The following PRKAR1B variants were observed in gnomAD, a reference collection of about 807,000 sequenced individuals.
The protein encoded by PRKAR1B is cAMP-dependent protein kinase type I-beta regulatory subunit.
In PRKAR1B, 22 loss-of-function variants were observed where a neutral mutation model predicts 46.5. The ratio of observed to expected loss-of-function variants is 0.47; its 90% CI spans 0.34 to 0.68. The LOEUF (loss-of-function observed/expected upper bound fraction) is 0.68, where lower values mean the gene tolerates loss of function less well. PRKAR1B is among the 30% of genes least tolerant of loss of function. PRKAR1B has a pLI of 0.01. For synonymous variants in PRKAR1B, 259 were observed against 217.7 expected (o/e 1.19, Z -1.67); for missense variants, 445 against 535.6 (o/e 0.83, Z 1.67).
intron 4 of PRKAR1B, among the ~76,000 whole-genome samples, chr7:636,872 TCAA>T (rs1175855462): frequency 2.0e-5 from 3 of 151,938 alleles, no homozygotes; most frequent in Non-Finnish European, 2.9e-5. Flanking sequence ...TGCAACTTCC[TCAA>T]CAACTGTGAC....
intron 6 of PRKAR1B, among the ~76,000 whole-genome samples, chr7:600,522 C>T (rs1486164503): frequency 6.6e-6 from 1 of 152,212 alleles, no homozygotes; most frequent in Non-Finnish European, 1.5e-5. Context: ...TTTAAAAACA[C>T]ACAGAACACA....
intron 8 of PRKAR1B, among the ~76,000 whole-genome samples, chr7:579,814 G>A (rs1780073905): frequency 6.6e-6 from 1 of 152,238 alleles, no homozygotes; most frequent in Non-Finnish European, 1.5e-5. Context: ...TAACTCAGAA[G>A]CCAGGCACAG....
At chr7:689,697 T>C (rs1449346971) in intron 2 of PRKAR1B, among the ~76,000 whole-genome samples, 1 of 151,606 alleles carries the variant, frequency 6.6e-6, no homozygotes, top group Non-Finnish European at 1.5e-5. Context: ...ACTTTTTTTT[T>C]GAGACAGAGT....
At position 645,853 on chromosome 7, in the gene PRKAR1B, C is replaced by T. The variant is rs577736212; in HGVS notation, c.440+31376G>A. 2.6e-5 allele frequency among the ~76,000 whole-genome samples: 4 copies of T among 152,258 alleles called. No individual in the cohort carries two copies. The East Asian group carries it at 7.7e-4, about 29-fold the overall frequency. The stretch of plus-strand genomic sequence containing the variant: ...GAGTACAGGCAGGTTGCCGTCCACT[C>T]GCCAGTCAGACCCCTCTGGGGCTCT... On this transcript the variant is annotated intron_variant, in intron 4 of 10. Transcript: ENST00000537384.
intron 4 of PRKAR1B, among the ~76,000 whole-genome samples, chr7:651,219 C>T (rs560600810): frequency 2.2e-4 from 34 of 152,338 alleles, no homozygotes; most frequent in African/African-American, 8.2e-4. Context: ...CCCTCAAGTC[C>T]GCAGGGACCT....
At chr7:676,872 GC>G (rs1562607912) in intron 4 of PRKAR1B, among the ~76,000 whole-genome samples, 3 of 150,646 alleles carry the variant, frequency 2.0e-5, no homozygotes, top group Non-Finnish European at 4.4e-5. Context: ...AAGCAACGGG[GC>G]CTGCCCACCT....
chr7:694,599 GTCCCCT>G (rs200853830), intron 2 of PRKAR1B, among the ~76,000 whole-genome samples: 2 of 151,998 alleles, frequency 1.3e-5, no homozygotes, highest in African/African-American at 4.8e-5. Flanking sequence ...GAAGTTTTGG[GTCCCCT>G]TCCCCTTCCC....
At chr7:717,017 G>A (rs565895803) in intron 1 of PRKAR1B, among the ~76,000 whole-genome samples, 7 of 152,184 alleles carry the variant, frequency 4.6e-5, no homozygotes, top group Non-Finnish European at 1.0e-4. Context: ...CCAGCCGGGC[G>A]CAGTGCCTCC....
rs143311672 is a variant in PRKAR1B at position 588,529 on chromosome 7, C to T, written c.709-3961G>A. The stretch of plus-strand genomic sequence containing the variant: ...GTGGTGATCACGATGATGGTGGTGA[C>T]GGTGGTGATGGTGGTGACGGTGGTG... On this transcript the variant is annotated intron_variant, in intron 7 of 10. Coordinates refer to ENST00000537384, the MANE Select transcript of PRKAR1B (RefSeq NM_001164760.2). Among the ~76,000 whole-genome samples the T allele has an allele frequency of 6.2e-3, 68 of 10,928 alleles. 1 individual carries two copies. Among genetic ancestry groups the T allele is most frequent in the South Asian group, 0.021 (2 of 96 alleles). 7.2% of individuals were successfully genotyped at this position (10,928 alleles called of 152,430 possible).
chr7:632,606 C>T (rs1783819563), intron 4 of PRKAR1B, among the ~76,000 whole-genome samples: 1 of 152,228 alleles, frequency 6.6e-6, no homozygotes, highest in South Asian at 2.1e-4. Flanking sequence ...CAGATGGATC[C>T]AGGCCTTCAG....
chr7:637,697 T>G (rs1784192906), intron 4 of PRKAR1B, among the ~76,000 whole-genome samples: 1 of 151,632 alleles, frequency 6.6e-6, no homozygotes, highest in African/African-American at 2.4e-5. Flanking sequence ...TAGCCGGGTG[T>G]GGTGGCAGGT....
chr7:571,664 C>A (rs1032146086), intron 9 of PRKAR1B, among the ~76,000 whole-genome samples: 1 of 152,194 alleles, frequency 6.6e-6, no homozygotes, highest in Non-Finnish European at 1.5e-5. Flanking sequence ...AACCGGCTCC[C>A]GGGGTCCAGC....
At chr7:639,233 T>C (rs1784271928) in intron 4 of PRKAR1B, among the ~76,000 whole-genome samples, 1 of 152,118 alleles carries the variant, frequency 6.6e-6, no homozygotes, top group Admixed American at 6.6e-5. Flanking sequence ...AAGACGGTGG[T>C]GGTATTAGTA....
chr7:629,077 A>T (rs1000467417), intron 4 of PRKAR1B, among the ~76,000 whole-genome samples: 1 of 152,250 alleles, frequency 6.6e-6, no homozygotes, highest in African/African-American at 2.4e-5. Context: ...CTCCGTGCAG[A>T]AGATGAGAAG....
intron 8 of PRKAR1B, among the ~76,000 whole-genome samples, chr7:583,072 G>A (rs958033606): frequency 2.0e-5 from 3 of 152,188 alleles, no homozygotes; most frequent in Admixed American, 2.0e-4. Context: ...AGGGCAGGGG[G>A]GGTGACGGCT....
At chr7:600,027 G>A (rs1455533760) in intron 6 of PRKAR1B, among the ~76,000 whole-genome samples, 1 of 152,136 alleles carries the variant, frequency 6.6e-6, no homozygotes, top group Admixed American at 6.5e-5. Context: ...GTGGGACAGG[G>A]GTGCCAGGAG....
intron 9 of PRKAR1B, among the ~76,000 whole-genome samples, chr7:553,470 C>T (rs1426040962): frequency 9.9e-5 from 15 of 152,196 alleles, no homozygotes; most frequent in Admixed American, 9.8e-4. Context: ...ATTTTACAGC[C>T]GGGGAAGCTG....
rs997554297 is a variant in PRKAR1B at position 560,930 on chromosome 7, A to T, written c.892-9460T>A. Among the ~76,000 whole-genome samples the T allele has an allele frequency of 6.6e-6, 1 of 152,116 alleles. No homozygotes were observed. The highest frequency in any genetic ancestry group is 1.5e-5 in the Non-Finnish European group (1 of 68,018). On this transcript the variant is annotated intron_variant, in intron 9 of 10. Coordinates refer to ENST00000537384, the MANE Select transcript of PRKAR1B (RefSeq NM_001164760.2). The surrounding 1 kb of genome is among the most constrained non-coding windows in gnomAD (Gnocchi z 4.2). Reference sequence around the variant, plus strand: ...CTCAGAGCCTGGAAAATTCAGGCTCACTCCAGTGCCTTTACGTTTCCTGTG... The same window carrying T: ...CTCAGAGCCTGGAAAATTCAGGCTCTCTCCAGTGCCTTTACGTTTCCTGTG...
chr7:634,762 C>G (rs1290101094), intron 4 of PRKAR1B, among the ~76,000 whole-genome samples: 1 of 151,958 alleles, frequency 6.6e-6, no homozygotes, highest in East Asian at 1.9e-4. Flanking sequence ...GCCTCAGCCT[C>G]CCGAGTAGCT....
Sources: gnomAD v4.1 joint callset for allele counts (sites outside exome capture counted in the v4.1 genomes callset) on GRCh38, gnomAD v4.1.1 for gene constraint, Gnocchi (gnomAD v3.1) non-coding constraint, MANE v1.5 for transcripts, NCBI Gene and HGNC (gene_info 2026-07-23, HGNC 2026-07-21) for gene names.